The following PTK2 variants were observed in gnomAD, a reference collection of about 807,000 sequenced individuals.
The protein encoded by PTK2 is protein tyrosine kinase 2.
Under a neutral mutation model 150.1 loss-of-function variants are expected in PTK2, and 45 were observed. The ratio of observed to expected loss-of-function variants is 0.30; its 90% confidence interval spans 0.24 to 0.38. The LOEUF (loss-of-function observed/expected upper bound fraction) is 0.38. PTK2 is among the 10% of genes least tolerant of loss of function. The probability of loss-of-function intolerance (pLI) is 1.00; values close to 1 mark genes in which losing one functional copy is unlikely to be tolerated. For missense variants in PTK2, 919 were observed against 1,307.3 expected (o/e 0.70, Z 4.58); for synonymous variants, 432 against 449.2 (o/e 0.96, Z 0.48).
At chr8:140,956,685 A>G (rs1569475203) in intron 1 of PTK2, among the ~76,000 whole-genome samples, 1 of 152,200 alleles carries the variant, frequency 6.6e-6, no homozygotes, top group Admixed American at 6.5e-5. Context: ...ACAAAGGTGG[A>G]AGATATTGAT....
intron 31 of PTK2, among the ~76,000 whole-genome samples, chr8:140,660,317 C>T (rs112770362): frequency 6.6e-6 from 1 of 152,186 alleles, no homozygotes; most frequent in African/African-American, 2.4e-5. Flanking sequence ...GAAGGCCACA[C>T]AGCTCTTTAG....
chr8:140,786,960 AAAAC>A (rs1352096061), intron 14 of PTK2, among the ~76,000 whole-genome samples: 2 of 152,168 alleles, frequency 1.3e-5, no homozygotes, highest in Non-Finnish European at 2.9e-5. Flanking sequence ...TTTTGGCTAA[AAAAC>A]AATGTAGATG....
intron 27 of PTK2, among the ~76,000 whole-genome samples, chr8:140,682,398 A>C (rs973943436): frequency 8.5e-5 from 13 of 152,112 alleles, no homozygotes; most frequent in African/African-American, 3.1e-4. Flanking sequence ...ACAACAACAA[A>C]AAATTTAGCA....
At chr8:140,818,913 T>C in exon 9 of PTK2, 1 of 1,613,624 alleles carries the variant, frequency 6.2e-7, no homozygotes, top group Admixed American at 1.7e-5. Context: ...CCTTATCAAA[T>C]CTGTAGACTG....
chr8:140,822,399 T>C (rs1567034192), intron 8 of PTK2: 2 of 151,692 alleles, frequency 1.3e-5, no homozygotes, highest in African/African-American at 2.4e-5. Context: ...CAAAAAATGA[T>C]ACCAGAAAAG....
At chr8:140,983,736 G>T (rs1021619079) in intron 1 of PTK2, 2 of 151,840 alleles carry the variant, frequency 1.3e-5, no homozygotes, top group Non-Finnish European at 2.9e-5. Flanking sequence ...AAGGGAGGGA[G>T]GGAGGGAGGT....
chr8:140,678,003 G>C (rs894003749), intron 27 of PTK2, among the ~76,000 whole-genome samples: 8 of 152,100 alleles, frequency 5.3e-5, no homozygotes, highest in African/African-American at 1.9e-4. Flanking sequence ...AAAGAAAGGA[G>C]ATGGCTGGGA....
At chr8:140,854,860 T>C (rs928265503) in intron 5 of PTK2, among the ~76,000 whole-genome samples, 1 of 152,152 alleles carries the variant, frequency 6.6e-6, no homozygotes, top group Admixed American at 6.5e-5. Context: ...AATAATAAAA[T>C]TAGGGGAGTT....
intron 2 of PTK2, among the ~76,000 whole-genome samples, chr8:140,892,205 C>CAAA (rs534170436): frequency 6.6e-6 from 1 of 151,860 alleles, no homozygotes; most frequent in Non-Finnish European, 1.5e-5. Flanking sequence ...GAGACTGTCT[C>CAAA]AAAACAAACA....
chr8:140,892,016 G>T (rs1453628431), intron 2 of PTK2, among the ~76,000 whole-genome samples: 2 of 152,024 alleles, frequency 1.3e-5, no homozygotes, highest in East Asian at 3.9e-4. Flanking sequence ...GACCAGTCTG[G>T]GCAACATGAC....
chr8:140,669,352 A>G (rs2094414990), intron 29 of PTK2: 1 of 130,834 alleles, frequency 7.6e-6, no homozygotes, highest in Non-Finnish European at 1.6e-5. Context: ...CACTTTTTAA[A>G]AAAGACCAAC....
At chr8:140,882,237 A>G (rs2100149557) in intron 3 of PTK2, among the ~76,000 whole-genome samples, 1 of 152,200 alleles carries the variant, frequency 6.6e-6, no homozygotes. Flanking sequence ...TGAGAACTAA[A>G]TATCTGGTCT....
intron 1 of PTK2, among the ~76,000 whole-genome samples, chr8:140,928,504 C>T (rs1346523607): frequency 6.6e-6 from 1 of 152,150 alleles, no homozygotes; most frequent in Non-Finnish European, 1.5e-5. Context: ...TATTCAAACA[C>T]CCATATTCAT....
chr8:140,977,026 A>C (rs1305133640), intron 1 of PTK2, among the ~76,000 whole-genome samples: 1 of 152,260 alleles, frequency 6.6e-6, no homozygotes, highest in South Asian at 2.1e-4. Context: ...TAAATCATGA[A>C]TCATCAAAGG....
At chr8:140,875,322 C>T (rs1010200489) in intron 4 of PTK2, among the ~76,000 whole-genome samples, 2 of 151,984 alleles carry the variant, frequency 1.3e-5, no homozygotes, top group African/African-American at 4.8e-5. Context: ...AGATGAAGGG[C>T]CATATTATTC....
intron 1 of PTK2, among the ~76,000 whole-genome samples, chr8:141,000,127 C>CA (rs58481152): frequency 0.12 from 14,884 of 123,638 alleles, 1,202 homozygotes; most frequent in Admixed American, 0.22. Context: ...ACACACACAC[C>CA]CCTTCTTCTA....
chr8:140,863,847 A>C (rs2100137733), intron 5 of PTK2, among the ~76,000 whole-genome samples: 1 of 152,240 alleles, frequency 6.6e-6, no homozygotes. Flanking sequence ...TACCAAGTAC[A>C]TTTAATGACA....
Position 140,789,459 on chromosome 8 carries a change from C to T in PTK2, c.1177+15G>A. The T allele has an allele frequency of 1.9e-6, 3 of 1,612,600 alleles. No homozygotes were observed. Among genetic ancestry groups the T allele is most frequent in the Non-Finnish European group, 2.5e-6 (3 of 1,179,400 alleles). ...TGAGAGTGCTTTTCGAGGTCTGCTA[C>T]CTAGAGCCCCTTACCTGACACAGAG... On this transcript the variant is annotated intron_variant, in intron 14 of 31. Transcript: ENST00000522684.
intron 23 of PTK2, among the ~76,000 whole-genome samples, chr8:140,707,735 T>A (rs1019243620): frequency 6.6e-6 from 1 of 152,168 alleles, no homozygotes; most frequent in African/African-American, 2.4e-5. Context: ...ATAAATTGTA[T>A]GGTATGTAAA....
Sources: gnomAD v4.1 joint callset for allele counts (sites outside exome capture counted in the v4.1 genomes callset) on GRCh38, gnomAD v4.1.1 for gene constraint, MANE v1.5 for transcripts, NCBI Gene and HGNC (gene_info 2026-07-23, HGNC 2026-07-21) for gene names.